The following ADGRL3 variants were observed in gnomAD, a reference collection of about 807,000 sequenced individuals.
The protein encoded by ADGRL3 is calcium-independent alpha-latrotoxin receptor 3.
Under a neutral mutation model 153.5 loss-of-function variants are expected in ADGRL3, and 62 were observed. The ratio of observed to expected loss-of-function variants is 0.40; its 90% confidence interval spans 0.33 to 0.50. The LOEUF is 0.50. ADGRL3 is among the 20% of genes least tolerant of loss of function. The pLI is 0.47. For missense variants in ADGRL3, 1,641 were observed against 1,859.4 expected, an observed-to-expected ratio of 0.88 and a Z score of 2.16; for synonymous variants, 710 against 672.5, an observed-to-expected ratio of 1.06 and a Z score of -0.86.
chr4:61,425,743 C>A (rs992503834), intron 2 of ADGRL3, among the ~76,000 whole-genome samples: 33 of 152,188 alleles, frequency 2.2e-4, no homozygotes, highest in African/African-American at 8.0e-4. Flanking sequence ...CCTGGCCATT[C>A]CCCTATGAAC....
intron 5 of ADGRL3, among the ~76,000 whole-genome samples, chr4:61,603,573 T>C (rs2099020544): frequency 6.6e-6 from 1 of 152,068 alleles, no homozygotes; most frequent in Non-Finnish European, 1.5e-5. Flanking sequence ...GAACCACGAG[T>C]ATTTAATTAT....
At chr4:61,820,242 A>G (rs2097735799) in intron 9 of ADGRL3, among the ~76,000 whole-genome samples, 1 of 152,160 alleles carries the variant, frequency 6.6e-6, no homozygotes, top group Non-Finnish European at 1.5e-5. Context: ...CTAATGAGCA[A>G]AGTTGAGAGA....
At chr4:61,756,258 A>C (rs1017190602) in intron 8 of ADGRL3, among the ~76,000 whole-genome samples, 1 of 152,138 alleles carries the variant, frequency 6.6e-6, no homozygotes, top group Non-Finnish European at 1.5e-5. Flanking sequence ...TGAGCATGGA[A>C]TGTTCTTCCA....
At chr4:61,968,739 G>GA (rs1560444933) in intron 17 of ADGRL3, among the ~76,000 whole-genome samples, 2 of 152,088 alleles carry the variant, frequency 1.3e-5, no homozygotes, top group African/African-American at 4.8e-5. Context: ...TTAATATTGT[G>GA]TAAAGATGTA....
chr4:61,954,764 A>C (rs529344329), intron 17 of ADGRL3, among the ~76,000 whole-genome samples: 7 of 152,126 alleles, frequency 4.6e-5, no homozygotes, highest in African/African-American at 9.7e-5. Flanking sequence ...AAGATTTCTC[A>C]TCTCTTTCAA....
intron 6 of ADGRL3, among the ~76,000 whole-genome samples, chr4:61,693,887 T>G (rs2095585354): frequency 6.6e-6 from 1 of 152,040 alleles, no homozygotes; most frequent in African/African-American, 2.4e-5. Context: ...GAAGTCCAAA[T>G]TCTTTGTCAA....
At chr4:61,483,550 C>A (rs2098154868) in intron 2 of ADGRL3, among the ~76,000 whole-genome samples, 1 of 151,910 alleles carries the variant, frequency 6.6e-6, no homozygotes, top group Admixed American at 6.6e-5. Flanking sequence ...CCACCCTGAC[C>A]AACATGGAGA....
chr4:61,311,915 A>T (rs1166367751), intron 1 of ADGRL3, among the ~76,000 whole-genome samples: 1 of 152,168 alleles, frequency 6.6e-6, no homozygotes, highest in African/African-American at 2.4e-5. Flanking sequence ...GTGTCAATGC[A>T]GGTATATTAA....
At chr4:61,566,906 A>G (rs993670237) in intron 4 of ADGRL3, among the ~76,000 whole-genome samples, 3 of 152,170 alleles carry the variant, frequency 2.0e-5, no homozygotes, top group African/African-American at 7.2e-5. Flanking sequence ...TATATAACGT[A>G]GAATTACCCA....
chr4:61,446,501 A>G (rs1290745874), intron 2 of ADGRL3, among the ~76,000 whole-genome samples: 1 of 152,206 alleles, frequency 6.6e-6, no homozygotes. Context: ...GAGATGGGGG[A>G]AACCCTCCAA....
At chr4:61,604,734 T>C (rs2099025212) in intron 5 of ADGRL3, among the ~76,000 whole-genome samples, 1 of 152,192 alleles carries the variant, frequency 6.6e-6, no homozygotes, top group Admixed American at 6.5e-5. Flanking sequence ...ATGATTCATT[T>C]GTAACAGAGA....
At chr4:61,916,295 T>G (rs1211696268) in intron 13 of ADGRL3, among the ~76,000 whole-genome samples, 1 of 152,188 alleles carries the variant, frequency 6.6e-6, no homozygotes, top group Non-Finnish European at 1.5e-5. Flanking sequence ...AGATTTGTGT[T>G]GAGAATCACA....
At chr4:61,714,330 G>A (rs1282368155) in intron 6 of ADGRL3, among the ~76,000 whole-genome samples, 1 of 150,908 alleles carries the variant, frequency 6.6e-6, no homozygotes, top group East Asian at 2.0e-4. Flanking sequence ...AGATTATGGT[G>A]AATGTATTGT....
chr4:61,285,175 T>C (rs746797774), intron 1 of ADGRL3, among the ~76,000 whole-genome samples: 3 of 151,988 alleles, frequency 2.0e-5, no homozygotes, highest in Non-Finnish European at 4.4e-5. Context: ...AAAAATATCG[T>C]ATCACTGGGT....
intron 5 of ADGRL3, among the ~76,000 whole-genome samples, chr4:61,647,271 G>C (rs1260390143): frequency 6.6e-6 from 1 of 152,054 alleles, no homozygotes; most frequent in African/African-American, 2.4e-5. Flanking sequence ...GTAGACCAGA[G>C]CTTTTCCTAT....
At chr4:61,711,066 A>G (rs1344972714) in intron 6 of ADGRL3, among the ~76,000 whole-genome samples, 1 of 152,136 alleles carries the variant, frequency 6.6e-6, no homozygotes, top group Admixed American at 6.5e-5. Flanking sequence ...TGTGGGGGCT[A>G]TGTCCATGAA....
At chr4:61,465,924 C>T (rs1029485527) in intron 2 of ADGRL3, among the ~76,000 whole-genome samples, 5 of 151,650 alleles carry the variant, frequency 3.3e-5, no homozygotes, top group African/African-American at 1.2e-4. Context: ...GTGTTCGAGA[C>T]CAGCTTGGAC....
intron 9 of ADGRL3, among the ~76,000 whole-genome samples, chr4:61,889,043 T>C (rs2098554926): frequency 6.6e-6 from 1 of 152,236 alleles, no homozygotes; most frequent in African/African-American, 2.4e-5. Context: ...GATGCTTCTC[T>C]TTTTGTGGGA....
intron 5 of ADGRL3, among the ~76,000 whole-genome samples, chr4:61,617,706 A>C (rs1011231398): frequency 1.2e-4 from 18 of 152,348 alleles, no homozygotes; most frequent in Admixed American, 1.0e-3. Context: ...TTTCTTGCAC[A>C]GTAGCTCTAG....
Sources: gnomAD v4.1 joint callset for allele counts (sites outside exome capture counted in the v4.1 genomes callset) on GRCh38, gnomAD v4.1.1 for gene constraint, MANE v1.5 for transcripts, NCBI Gene and HGNC (gene_info 2026-07-23, HGNC 2026-07-21) for gene names.